The following VPS9D1 variants were observed in gnomAD, a reference collection of about 807,000 sequenced individuals.
The protein encoded by VPS9D1 is VPS9 domain containing 1, also known as VPS9 domain-containing protein 1.
A neutral mutation model predicts 75.8 loss-of-function variants in VPS9D1; 78 were observed. That is an observed-to-expected ratio of 1.03 (90% CI 0.86 to 1.24). The LOEUF is 1.24. VPS9D1 is among the 50% of genes most tolerant of loss of function. The pLI, the probability that VPS9D1 is intolerant of heterozygous loss-of-function variation, is 0.00. For missense variants in VPS9D1, 1,057 were observed against 847.7 expected (o/e 1.25, Z -3.07); for synonymous variants, 481 against 385.6 (o/e 1.25, Z -2.90).
chr16:89,720,386 G>A (rs1199692694), intron 1 of VPS9D1: 1 of 995,226 alleles, frequency 1.0e-6, no homozygotes, highest in African/African-American at 1.7e-5. Context: ...GCCGTCCCCT[G>A]TGGCAACCGG....
Position 89,712,634 on chromosome 16 carries a change from G to A in VPS9D1, c.514C>T (p.Pro172Ser), listed in dbSNP as rs1212871311. ...GATGTCTTCTGCATGGCCTGGCTGG[G>A]GTCTAGCCGCGCCATTCGGGCCTCA... ...AYEARMARLDPSQAMQKTSLT... is the reference protein window; with the variant it reads ...AYEARMARLDSSQAMQKTSLT... The change falls in exon 5 of 15, where the codon CCC becomes TCC. Residue 172 changes from proline to serine, a missense_variant. Pro to Ser is a moderately conservative substitution (Grantham distance 74). Transcript: ENST00000389386. 3 of 1,610,666 alleles carry A rather than the reference G, an allele frequency of 1.9e-6. No individual in the cohort carries two copies. The highest frequency in any genetic ancestry group is 1.3e-5 in the African/African-American group (1 of 74,884).
intron 1 of VPS9D1, chr16:89,720,393 C>T: frequency 1.0e-6 from 1 of 1,000,274 alleles, no homozygotes; most frequent in Non-Finnish European, 1.2e-6. Context: ...CCTGTGGCAA[C>T]CGGATTAAAT....
At chr16:89,719,602 C>G (rs1355185442) in intron 1 of VPS9D1, among the ~76,000 whole-genome samples, 1 of 152,228 alleles carries the variant, frequency 6.6e-6, no homozygotes, top group Non-Finnish European at 1.5e-5. Flanking sequence ...CGAGAAATCC[C>G]TTTCCCAGAA....
intron 4 of VPS9D1, among the ~76,000 whole-genome samples, chr16:89,713,412 G>GCA (rs2060986538): frequency 1.3e-5 from 2 of 151,632 alleles, no homozygotes; most frequent in Admixed American, 1.3e-4. Context: ...CCGCCACTAT[G>GCA]CCCGGCTAAT....
intron 2 of VPS9D1, 48 bp downstream of exon 2, chr16:89,718,979 G>C (rs777414841): frequency 3.9e-6 from 6 of 1,531,732 alleles, no homozygotes; most frequent in Non-Finnish European, 5.4e-6. Context: ...CTCCCACAGT[G>C]CTGGGATTAC....
chr16:89,719,854 G>A (rs762303868), intron 1 of VPS9D1, among the ~76,000 whole-genome samples: 11 of 152,140 alleles, frequency 7.2e-5, no homozygotes, highest in Non-Finnish European at 1.6e-4. Flanking sequence ...AAGGAGCTAG[G>A]ATTACAGGTG....
Position 89,711,863 on chromosome 16 carries a change from G to T in VPS9D1, c.747+19C>A. 1 of 1,549,394 alleles carries T rather than the reference G, an allele frequency of 6.5e-7. No individual in the cohort carries two copies. The highest frequency in any genetic ancestry group is 8.7e-7 in the Non-Finnish European group (1 of 1,146,064). On this transcript the variant is annotated intron_variant, in intron 8 of 14. Transcript: ENST00000389386. ...TCGCTGGGCTCCTCCTACAAAGCCT[G>T]GGCCCGTGGGGGACGCACATGGTCC...
chr16:89,709,698 A>C (rs2060871329), intron 11 of VPS9D1, 79 bp downstream of exon 11: 6 of 1,599,474 alleles, frequency 3.8e-6, no homozygotes, highest in Non-Finnish European at 5.1e-6. Context: ...AGACAGTGCC[A>C]GGGAGCAGGG....
At chr16:89,711,800 C>CCA (rs1555523804) in intron 8 of VPS9D1, 82 bp downstream of exon 8, 1 of 1,476,222 alleles carries the variant, frequency 6.8e-7, no homozygotes, top group Non-Finnish European at 9.1e-7. Flanking sequence ...CTCCGCCCCC[C>CCA]ACGGGGGCCC....
rs769484223 is a variant in VPS9D1 at position 89,709,797 on chromosome 16, A to G, written c.1368T>C (p.Pro456=). The change falls in exon 11 of 15, where the codon CCT becomes CCC. Residue 456 remains proline (P), a synonymous_variant. Transcript: ENST00000389386. ...IEEPFFSPLW[P]LLLALYRSVH... ...CATACCTGTACAGGGCCAGCAGCAG[A>G]GGCCACAGCGGGGAGAAAAAGGGTT... 2 of 1,613,654 alleles carry G rather than the reference A, an allele frequency of 1.2e-6. No individual in the cohort carries two copies. The highest frequency in any genetic ancestry group is 2.2e-5 in the South Asian group (2 of 91,070).
In VPS9D1 at chr16:89,719,093, T is replaced by C; in HGVS notation, c.109A>G (p.Thr37Ala). 1 of 1,613,578 alleles carries C rather than the reference T, an allele frequency of 6.2e-7. No individual in the cohort carries two copies. The highest frequency in any genetic ancestry group is 8.5e-7 in the Non-Finnish European group (1 of 1,179,852). ...TAGTGGATGCTCCTCAGGTATTCCG[T>C]GTATGCCTCCTGTGTCCAGGAAAGA... The part of the protein sequence containing the change: ...DTGNRPREAY[T>A]EYLRSIHYIS... Residue 37 changes from threonine (T) to alanine (A), a missense_variant, in exon 2 of 15, where the codon ACG becomes GCG. Physicochemically the swap from Thr to Ala is moderately conservative, Grantham distance 58. Transcript: ENST00000389386.
At chr16:89,712,405 TCAAGGCCACACTGAGTTTCCCCTC>T in intron 6 of VPS9D1, 31 bp downstream of exon 6, 2 of 1,607,042 alleles carry the variant, frequency 1.2e-6, no homozygotes, top group Non-Finnish European at 8.5e-7. Flanking sequence ...TGCCCTTGGC[TCAAGGCCACACTGAGTTTCCCCTC>T]GGGGACCACC....
In VPS9D1 at chr16:89,709,368, T is replaced by TG. The variant is rs1191061738; in HGVS notation, c.1455dup (p.Thr486HisfsTer15). The TG allele has an allele frequency of 2.5e-6, 4 of 1,571,450 alleles. No individual in the cohort carries two copies. In the Admixed American group the frequency reaches 5.3e-5, roughly 21 times the overall value. ...AGCTTGGTGGGGATGCCAATGGCGGTGGGGGGTGCATTCCTGTAGAGCTCC... is the reference window on the plus strand; with the variant it reads ...AGCTTGGTGGGGATGCCAATGGCGGTGGGGGGGTGCATTCCTGTAGAGCTCC... On this transcript the variant is annotated frameshift_variant, in exon 12 of 15. Transcript: ENST00000389386. LOFTEE classifies it high-confidence loss of function.
chr16:89,720,022 G>C (rs896834116), intron 1 of VPS9D1, among the ~76,000 whole-genome samples: 1 of 152,064 alleles, frequency 6.6e-6, no homozygotes, highest in African/African-American at 2.4e-5. Context: ...CCAGCAATAT[G>C]CTATGTTTTT....
Position 89,707,617 on chromosome 16 carries a change from C to T in VPS9D1, c.*244G>A, listed in dbSNP as rs1050915682. On this transcript the variant is annotated 3_prime_UTR_variant, in exon 15 of 15. Coordinates refer to ENST00000389386, the MANE Select transcript of VPS9D1 (RefSeq NM_004913.3). ...CTACACAGGAGAGCAGGGCCTGGTT[C>T]CTCCTGGAGCTGATTCAGCCCCATT... 17 of 492,326 alleles carry T rather than the reference C, an allele frequency of 3.5e-5. No homozygotes were observed. The highest frequency in any genetic ancestry group is 5.5e-5 in the Non-Finnish European group (15 of 272,170). The allele number at this position is 492,326 out of a possible 1,614,324, so 30.5% of individuals were successfully genotyped here.
chr16:89,720,503 C>T (rs2061229211), intron 1 of VPS9D1: 1 of 1,136,094 alleles, frequency 8.8e-7, no homozygotes, highest in Non-Finnish European at 1.1e-6. Flanking sequence ...ATCTCCTCTA[C>T]AGGTGGAGCC....
chr16:89,718,719 C>CT (rs374301742), intron 2 of VPS9D1, among the ~76,000 whole-genome samples: 3,338 of 145,260 alleles, frequency 0.023, 73 homozygotes, highest in Non-Finnish European at 0.029. Context: ...TTTTTCTTTT[C>CT]TTTTTTTTTT....
intron 13 of VPS9D1, 91 bp downstream of exon 13, chr16:89,708,766 A>G: frequency 7.5e-7 from 1 of 1,332,796 alleles, no homozygotes; most frequent in East Asian, 2.5e-5. Context: ...AGCTGGCACA[A>G]GGCTAAGGGG....
chr16:89,715,163 G>A (rs2061030981), intron 4 of VPS9D1, among the ~76,000 whole-genome samples: 1 of 150,920 alleles, frequency 6.6e-6, no homozygotes. Context: ...TGTCTGCTCA[G>A]TTTTGTATGT....
Sources: gnomAD v4.1 joint callset for allele counts (sites outside exome capture counted in the v4.1 genomes callset) on GRCh38, gnomAD v4.1.1 for gene constraint, MANE v1.5 for transcripts, NCBI Gene and HGNC (gene_info 2026-07-23, HGNC 2026-07-21) for gene names.